NUP133: variants seen among roughly 807,000 people sequenced by gnomAD.
The protein encoded by NUP133 is nuclear pore complex protein Nup133.
NUP133 carries 66 observed loss-of-function variants against 146.2 expected under a neutral mutation model. That is an observed-to-expected ratio of 0.45 (90% CI 0.37 to 0.55). NUP133 has a LOEUF of 0.55. Among genes scored for constraint, NUP133 ranks in the 20% least tolerant of loss-of-function variants. NUP133 has a pLI of 0.00. For synonymous variants in NUP133, 521 were observed against 498.8 expected (o/e 1.04, Z -0.59); for missense variants, 1,277 against 1,374.8 (o/e 0.93, Z 1.12).
In NUP133 at chr1:229,502,046, T is replaced by G; in HGVS notation, c.358A>C (p.Lys120Gln). 2 of 1,614,082 alleles carry G rather than the reference T, an allele frequency of 1.2e-6. No homozygotes were observed. Among genetic ancestry groups the G allele is most frequent in the South Asian group, 1.1e-5 (1 of 91,078 alleles). ...DEGGWACLVC[K>Q]EKLIIWKIAL... is the part of the protein sequence containing the mutation. Reference sequence around the variant, plus strand: ...ATCTTCCAAATAATGAGCTTCTCTTTGCACACCAGACAAGCCCATCCACCT... The same window carrying G: ...ATCTTCCAAATAATGAGCTTCTCTTGGCACACCAGACAAGCCCATCCACCT... Residue 120 changes from lysine (K) to glutamine (Q), a missense_variant, in exon 3 of 26, where the codon AAA becomes CAA. By Grantham distance (53) the Lys-to-Gln change is moderately conservative (BLOSUM62 1). Around this residue, in one of 3 missense-constraint regions of NUP133, gnomAD observed 319 missense variants for 306.9 expected, o/e 1.04. Transcript: ENST00000261396.
rs191345720 is a variant in NUP133 at position 229,478,309 on chromosome 1, G to A, written c.1593-549C>T. On this transcript the variant is annotated intron_variant, in intron 12 of 25. Transcript: ENST00000261396. ...AATACACATTGAATACTTAGAACATGCTCGGCTCTGGACACAGAAAGATAA... is the reference window on the plus strand; with the variant it reads ...AATACACATTGAATACTTAGAACATACTCGGCTCTGGACACAGAAAGATAA... Among the ~76,000 whole-genome samples the A allele has an allele frequency of 4.6e-5, 7 of 152,166 alleles. No homozygotes were observed. The East Asian group carries it at 9.7e-4, about 21-fold the overall frequency.
At chr1:229,491,576 C>T (rs576630722) in intron 8 of NUP133, among the ~76,000 whole-genome samples, 2 of 152,114 alleles carry the variant, frequency 1.3e-5, no homozygotes, top group Non-Finnish European at 2.9e-5. Flanking sequence ...GCCAGGAATT[C>T]GAGACCAGCC....
At position 229,460,631 on chromosome 1, in the gene NUP133, T is replaced by A. The variant is rs1464611337; in HGVS notation, c.2824A>T (p.Asn942Tyr). The change falls in exon 20 of 26, where the codon AAT becomes TAT. Residue 942 changes from asparagine (N) to tyrosine (Y), a missense_variant. Asn to Tyr is a moderately radical substitution (Grantham distance 143). This residue lies in a region of NUP133 where 952 missense variants were observed against 1,047.0 expected (regional missense o/e 0.91). Coordinates refer to ENST00000261396, the MANE Select transcript of NUP133 (RefSeq NM_018230.3). ...HEHLSWLHEI[N>Y]SQELEKAHAT... ...CTTACCTTTTCTAATTCTTGGCTAT[T>A]AATTTCATGTAACCAGCTGAGATGT... 2.0e-5 allele frequency: 32 copies of A among 1,613,250 alleles called. No homozygotes were observed. The highest frequency in any genetic ancestry group is 2.4e-5 in the Non-Finnish European group (28 of 1,179,808).
intron 12 of NUP133, among the ~76,000 whole-genome samples, chr1:229,480,449 T>C (rs1661181632): frequency 6.6e-6 from 1 of 152,046 alleles, no homozygotes. Context: ...TCCCCAAAAC[T>C]CTCATGAACA....
intron 21 of NUP133, among the ~76,000 whole-genome samples, chr1:229,453,953 T>C (rs1660510506): frequency 6.6e-6 from 1 of 152,198 alleles, no homozygotes; most frequent in South Asian, 2.1e-4. Context: ...TACACAGTTA[T>C]ACATGGTGTA....
intron 24 of NUP133, chr1:229,448,706 G>A (rs756484794): frequency 2.3e-5 from 4 of 171,708 alleles, no homozygotes; most frequent in Non-Finnish European, 4.6e-5. Context: ...GCCTCTCCTG[G>A]GGTCATCGGG....
intron 21 of NUP133, 47 bp from the exon 22 acceptor site, chr1:229,452,690 G>T (rs1466734918): frequency 2.1e-6 from 3 of 1,446,124 alleles, no homozygotes; most frequent in South Asian, 2.5e-5. Context: ...GATGAAATTT[G>T]ACTTTTGCTC....
chr1:229,503,317 T>C (rs1661852747), intron 2 of NUP133, among the ~76,000 whole-genome samples: 1 of 152,094 alleles, frequency 6.6e-6, no homozygotes, highest in Admixed American at 6.6e-5. Context: ...GCAACATTTA[T>C]AATTATATCG....
At chr1:229,502,558 CAA>C (rs58520087) in intron 2 of NUP133, among the ~76,000 whole-genome samples, 3 of 43,092 alleles carry the variant, frequency 7.0e-5, no homozygotes, top group African/African-American at 9.5e-5. Flanking sequence ...GACTCCATCT[CAA>C]AAAAAAAAAA....
intron 22 of NUP133, 37 bp from the exon 23 acceptor site, chr1:229,450,642 T>C: frequency 3.0e-6 from 3 of 1,014,094 alleles, no homozygotes; most frequent in South Asian, 2.9e-5. Context: ...GATTATACAA[T>C]CATGTAACTA....
intron 21 of NUP133, among the ~76,000 whole-genome samples, chr1:229,456,796 T>C (rs1183380747): frequency 1.3e-5 from 2 of 152,096 alleles, no homozygotes; most frequent in African/African-American, 4.8e-5. Flanking sequence ...TTATTATGTA[T>C]ATCTATCTAT....
chr1:229,461,733 T>C (rs1217590885), intron 19 of NUP133, among the ~76,000 whole-genome samples: 1 of 151,940 alleles, frequency 6.6e-6, no homozygotes, highest in African/African-American at 2.4e-5. Context: ...GACTTTAAAA[T>C]AACATTTAAA....
At chr1:229,495,470 T>C (rs371978604) in intron 8 of NUP133, 25 bp downstream of exon 8, 64 of 1,553,914 alleles carry the variant, frequency 4.1e-5, no homozygotes, top group Middle Eastern at 1.7e-4. Context: ...TTCTCTATGT[T>C]CTTTACGACA....
chr1:229,457,896 C>T (rs1270931650), intron 21 of NUP133, among the ~76,000 whole-genome samples: 1 of 152,200 alleles, frequency 6.6e-6, no homozygotes, highest in Non-Finnish European at 1.5e-5. Context: ...ATATTTATCA[C>T]TAAAGGTACA....
chr1:229,499,782 T>G lies in NUP133; in HGVS notation c.550A>C (p.Ile184Leu), dbSNP rs745776006. The G allele has an allele frequency of 6.2e-7, 1 of 1,613,890 alleles. No individual in the cohort carries two copies. The highest frequency in any genetic ancestry group is 1.7e-5 in the Admixed American group (1 of 59,978). Reference protein sequence around the residue: ...AVMVATREGSIRYWPSLAGED... With the variant: ...AVMVATREGSLRYWPSLAGED... Reference sequence around the variant, plus strand: ...CCAGCAAGGCTTGGCCAATAGCGGATAGATCCTTCTCTGGTGGCAACCATG... The same window carrying G: ...CCAGCAAGGCTTGGCCAATAGCGGAGAGATCCTTCTCTGGTGGCAACCATG... Residue 184 changes from isoleucine to leucine, a missense_variant, in exon 5 of 26, where the codon ATC (isoleucine) becomes CTC (leucine). Ile to Leu is a conservative substitution (Grantham distance 5). Coordinates refer to ENST00000261396, the MANE Select transcript of NUP133 (RefSeq NM_018230.3).
At chr1:229,449,312 A>C in intron 23 of NUP133, 122 bp from the exon 24 acceptor site, 1 of 632,418 alleles carries the variant, frequency 1.6e-6, no homozygotes, top group South Asian at 2.0e-5. Context: ...AATTACTTTC[A>C]GGTTACTCTG....
rs773656907 is a variant in NUP133 at position 229,506,069 on chromosome 1, TTAAC to T, written c.268_271del (p.Val90LysfsTer6). ...AGCCAATGTTAGGGCTTCCATGACTTTAACAGGAAGAGAAGATCCAAACGTTTTC... is the reference window on the plus strand; with the variant it reads ...AGCCAATGTTAGGGCTTCCATGACTTAGGAAGAGAAGATCCAAACGTTTTC... On this transcript the variant is annotated frameshift_variant, in exon 2 of 26. Coordinates refer to ENST00000261396, the MANE Select transcript of NUP133 (RefSeq NM_018230.3). LOFTEE classifies it high-confidence loss of function. 2.5e-6 allele frequency: 4 copies of T among 1,610,666 alleles called. No individual in the cohort carries two copies. The South Asian group carries it at 3.3e-5, about 13-fold the overall frequency.
intron 11 of NUP133, 37 bp downstream of exon 11, chr1:229,486,334 A>T (rs567620727): frequency 5.2e-6 from 8 of 1,539,594 alleles, no homozygotes; most frequent in Non-Finnish European, 7.0e-6. Context: ...AAAAATAAAT[A>T]ACATAAAAAC....
chr1:229,494,139 T>A (rs377268780), intron 8 of NUP133, among the ~76,000 whole-genome samples: 1 of 151,294 alleles, frequency 6.6e-6, no homozygotes, highest in African/African-American at 2.4e-5. Flanking sequence ...CAAAAAAAAA[T>A]AAAAAGAAAA....
Sources: allele counts gnomAD v4.1 joint callset (sites outside exome capture counted in the v4.1 genomes callset), GRCh38; gene constraint gnomAD v4.1.1; regional missense constraint gnomAD v4.1.1; transcripts MANE v1.5; gene names NCBI Gene and HGNC (gene_info 2026-07-23, HGNC 2026-07-21).